Variants in SHLD1 observed in about 807,000 individuals in gnomAD.
The protein encoded by SHLD1 is RINN1-REV7-interacting novel NHEJ regulator 3.
In SHLD1, 3 loss-of-function variants were observed where a neutral mutation model predicts 5.5. That is an observed-to-expected ratio of 0.54 (90% CI 0.25 to 1.40). The LOEUF is 1.40. SHLD1 is among the 40% of genes most tolerant of loss of function. The pLI is 0.15. For synonymous variants in SHLD1, 92 were observed against 94.3 expected (o/e 0.98, Z 0.14); for missense variants, 210 against 244.4 (o/e 0.86, Z 0.94).
At chr20:5,857,802 C>T (rs1160880295) in intron 2 of SHLD1, among the ~76,000 whole-genome samples, 2 of 151,238 alleles carry the variant, frequency 1.3e-5, no homozygotes, top group Non-Finnish European at 3.0e-5. Flanking sequence ...CAGAGCAAAA[C>T]CCTGTCTAAA....
chr20:5,810,887 CAA>C (rs10627373), intron 2 of SHLD1, among the ~76,000 whole-genome samples: 8 of 120,848 alleles, frequency 6.6e-5, no homozygotes, highest in Admixed American at 8.8e-5. Flanking sequence ...GACTCTGTCT[CAA>C]AAAAAAAAAA....
At position 5,773,034 on chromosome 20, in the gene SHLD1, G is replaced by A. The variant is rs756541456; in HGVS notation, c.169G>A (p.Val57Met). The A allele has an allele frequency of 1.1e-5, 17 of 1,614,194 alleles. No homozygotes were observed. Among genetic ancestry groups the A allele is most frequent in the Non-Finnish European group, 1.4e-5 (16 of 1,180,030 alleles). ...CCATTCTTTTCCTTATTCTTCTGAT[G>A]TGGATCCAGGTAATAAGCAGAGTTT... ...EFHSFPYSSD[V>M]DPDTSNLNIE... The change falls in exon 2 of 3, where the codon GTG (valine) becomes ATG (methionine). Residue 57 changes from valine (V) to methionine (M), a missense_variant. By Grantham distance (21) the Val-to-Met change is conservative. Transcript: ENST00000303142.
At chr20:5,764,219 G>A (rs56850625) in intron 1 of SHLD1, among the ~76,000 whole-genome samples, 7,466 of 93,850 alleles carry the variant, frequency 0.08, 277 homozygotes, top group African/African-American at 0.13. Flanking sequence ...TTGTGTGTGT[G>A]TATATATATA....
At chr20:5,829,912 T>G (rs16991336) in intron 2 of SHLD1, among the ~76,000 whole-genome samples, 1 of 152,108 alleles carries the variant, frequency 6.6e-6, no homozygotes, top group South Asian at 2.1e-4. Flanking sequence ...TCTGTGAAGA[T>G]AATATTTTTA....
chr20:5,774,428 G>A (rs537185233), intron 2 of SHLD1, among the ~76,000 whole-genome samples: 2 of 152,262 alleles, frequency 1.3e-5, no homozygotes, highest in African/African-American at 4.8e-5. Context: ...GGATCAGTAA[G>A]TCTCCTGTTT....
intron 1 of SHLD1, among the ~76,000 whole-genome samples, chr20:5,764,527 C>CAA (rs375996514): frequency 0.45 from 49,308 of 110,730 alleles, 10,928 homozygotes; most frequent in Non-Finnish European, 0.47. Flanking sequence ...GACCTTGTCT[C>CAA]AAAAAAAAAA....
At chr20:5,835,156 G>A (rs980688130) in intron 2 of SHLD1, among the ~76,000 whole-genome samples, 1 of 152,138 alleles carries the variant, frequency 6.6e-6, no homozygotes, top group African/African-American at 2.4e-5. Flanking sequence ...GGAAATAAGA[G>A]AAGTCTACCT....
intron 1 of SHLD1, among the ~76,000 whole-genome samples, chr20:5,758,482 G>T (rs1028049478): frequency 1.3e-4 from 19 of 151,334 alleles, no homozygotes; most frequent in African/African-American, 4.6e-4. Flanking sequence ...GCAATGGCAC[G>T]ATCTCAGCTC....
Position 5,806,681 on chromosome 20 carries a change from C to T in SHLD1, c.178+33638C>T, listed in dbSNP as rs1186185124. 6.6e-6 allele frequency among the ~76,000 whole-genome samples: 1 copy of T among 152,184 alleles called. No individual in the cohort carries two copies. The highest frequency in any genetic ancestry group is 1.9e-4 in the East Asian group (1 of 5,194). On this transcript the variant is annotated intron_variant, in intron 2 of 2. Transcript: ENST00000303142. This position sits in a 1 kb window ranked among gnomAD's most constrained non-coding sequence, Gnocchi z 7.6. The stretch of plus-strand genomic sequence containing the variant: ...CCATGGACAGAGAGATTCAGCATCA[C>T]CATGTCATTGCAGAATGAAGGGAGA...
Position 5,847,699 on chromosome 20 carries a change from A to C in SHLD1, c.179-15325A>C, listed in dbSNP as rs947689166. ...GAAGTTGTCAGGGAAATGGAAACCC[A>C]AATTGGAGATACAACTTTAGTGTCT... On this transcript the variant is annotated intron_variant, in intron 2 of 2. Coordinates refer to ENST00000303142, the MANE Select transcript of SHLD1 (RefSeq NM_152504.4). Among the ~76,000 whole-genome samples, 7 of 152,360 alleles carry C rather than the reference A, an allele frequency of 4.6e-5. No homozygotes were observed. The South Asian group carries it at 1.4e-3, about 32-fold the overall frequency.
intron 1 of SHLD1, among the ~76,000 whole-genome samples, chr20:5,757,022 G>T (rs918071350): frequency 9.3e-5 from 14 of 150,060 alleles, no homozygotes; most frequent in Non-Finnish European, 3.0e-5. Context: ...CTTTTACCAT[G>T]AAGTATGGTA....
chr20:5,768,945 G>A (rs58785776), intron 1 of SHLD1, among the ~76,000 whole-genome samples: 406 of 140,090 alleles, frequency 2.9e-3, no homozygotes, highest in African/African-American at 0.011. Flanking sequence ...TCTCACTCTC[G>A]TTTGGGCTGG....
chr20:5,829,420 T>C (rs868079970), intron 2 of SHLD1, among the ~76,000 whole-genome samples: 3 of 151,838 alleles, frequency 2.0e-5, no homozygotes, highest in South Asian at 4.2e-4. Context: ...ATGAAGCTTA[T>C]ATACTGGAGA....
chr20:5,854,348 A>G (rs1003126471), intron 2 of SHLD1, among the ~76,000 whole-genome samples: 1 of 152,044 alleles, frequency 6.6e-6, no homozygotes, highest in Admixed American at 6.6e-5. Context: ...GGGTTTCGCC[A>G]TGTTGCCCAA....
intron 1 of SHLD1, among the ~76,000 whole-genome samples, chr20:5,761,276 A>G (rs1402117010): frequency 1.3e-5 from 2 of 152,080 alleles, no homozygotes; most frequent in Admixed American, 1.3e-4. Flanking sequence ...TCAAGGGGAA[A>G]GAGAGCATTA....
chr20:5,754,750 CA>C (rs1983966871), intron 1 of SHLD1, among the ~76,000 whole-genome samples: 1 of 152,138 alleles, frequency 6.6e-6, no homozygotes. Context: ...GTGTTGAAAT[CA>C]GCATAAAGAA....
chr20:5,785,254 T>C (rs1361420137), intron 2 of SHLD1, among the ~76,000 whole-genome samples: 1 of 152,220 alleles, frequency 6.6e-6, no homozygotes, highest in Non-Finnish European at 1.5e-5. Flanking sequence ...TGCACTTACA[T>C]TTCAGGCACT....
chr20:5,852,442 T>TTCCTTC (rs2088023654), intron 2 of SHLD1, among the ~76,000 whole-genome samples: 2 of 147,198 alleles, frequency 1.4e-5, no homozygotes, highest in South Asian at 4.3e-4. Flanking sequence ...CCTTCCTTCC[T>TTCCTTC]TCTCTCTCTC....
chr20:5,795,177 TG>T (rs904904300), intron 2 of SHLD1, among the ~76,000 whole-genome samples: 3 of 148,758 alleles, frequency 2.0e-5, no homozygotes, highest in African/African-American at 7.5e-5. Flanking sequence ...AAGCAGAGGT[TG>T]CAGTAAGCCG....
Sources: gnomAD v4.1 joint callset for allele counts (sites outside exome capture counted in the v4.1 genomes callset) on GRCh38, gnomAD v4.1.1 for gene constraint, Gnocchi (gnomAD v3.1) non-coding constraint, MANE v1.5 for transcripts, NCBI Gene and HGNC (gene_info 2026-07-23, HGNC 2026-07-21) for gene names.